IFNLR1: variants seen among roughly 807,000 people sequenced by gnomAD.
IFNLR1 encodes the protein interferon lambda receptor 1, also known as CRF2-12.
IFNLR1 carries 28 observed loss-of-function variants against 52.5 expected under a neutral mutation model. That is an observed-to-expected ratio of 0.53 (90% confidence interval 0.40 to 0.73). IFNLR1 has a LOEUF of 0.73. IFNLR1 is among the 30% of genes least tolerant of loss of function. The pLI, the probability that IFNLR1 is intolerant of heterozygous loss-of-function variation, is 0.00. For synonymous variants in IFNLR1, 276 were observed against 274.9 expected (o/e 1.00, Z -0.04); for missense variants, 623 against 659.1 (o/e 0.95, Z 0.60).
intron 2 of IFNLR1, among the ~76,000 whole-genome samples, chr1:24,170,035 A>G (rs1298052983): frequency 1.3e-5 from 2 of 152,244 alleles, no homozygotes; most frequent in Non-Finnish European, 2.9e-5. Flanking sequence ...ATGCAGGTCC[A>G]TGACTCCAAC....
chr1:24,174,888 C>T (rs1375452605), intron 2 of IFNLR1, among the ~76,000 whole-genome samples: 1 of 151,882 alleles, frequency 6.6e-6, no homozygotes, highest in Admixed American at 6.6e-5. Flanking sequence ...AATGAGAAAG[C>T]ATGTTCTGGG....
chr1:24,168,806 T>C (rs1202610754), intron 3 of IFNLR1, among the ~76,000 whole-genome samples: 2 of 152,130 alleles, frequency 1.3e-5, no homozygotes, highest in Non-Finnish European at 2.9e-5. Context: ...TGCAGGGGCG[T>C]GATCTTGGCT....
At position 24,157,956 on chromosome 1, in the gene IFNLR1, C is replaced by G. The variant is rs984004782; in HGVS notation, c.802-65G>C. 2.9e-6 allele frequency: 4 copies of G among 1,395,678 alleles called. No individual in the cohort carries two copies. In the African/African-American group the frequency reaches 5.8e-5, roughly 20 times the overall value. The allele number at this position is 1,395,678 out of a possible 1,614,324, so 86.5% of individuals were successfully genotyped here. On this transcript the variant is annotated intron_variant, in intron 6 of 6. Transcript: ENST00000327535. The surrounding 1 kb of genome is among the most constrained non-coding windows in gnomAD (Gnocchi z 5.1). ...TTTCCTGAAGCATAATTATCATCAT[C>G]TGAATTCCCCTAGAAACAGACCTCA... is the stretch of plus-strand genomic sequence containing the variant.
At chr1:24,176,579 G>A (rs1644635255) in intron 2 of IFNLR1, among the ~76,000 whole-genome samples, 1 of 152,198 alleles carries the variant, frequency 6.6e-6, no homozygotes, top group Non-Finnish European at 1.5e-5. Context: ...CTACAAACAT[G>A]TCAGCTAAAA....
At chr1:24,161,769 T>C in intron 3 of IFNLR1, 85 bp from the exon 4 acceptor site, 1 of 1,352,848 alleles carries the variant, frequency 7.4e-7, no homozygotes, top group East Asian at 2.6e-5. Context: ...CTCTTGGAAA[T>C]GGAAAAGCAA....
chr1:24,174,100 GTGTACT>G (rs146021310), intron 2 of IFNLR1, among the ~76,000 whole-genome samples: 14,724 of 152,040 alleles, frequency 0.097, 1,948 homozygotes, highest in African/African-American at 0.3. Flanking sequence ...AGTAGGACTG[GTGTACT>G]TGTAAGAAGA....
At chr1:24,162,932 TTCTTTC>T (rs1157292821) in intron 3 of IFNLR1, among the ~76,000 whole-genome samples, 2 of 103,480 alleles carry the variant, frequency 1.9e-5, no homozygotes, top group African/African-American at 3.9e-5. Flanking sequence ...TTTCTTTTCT[TTCTTTC>T]TCTTTCTTTC....
intron 1 of IFNLR1, among the ~76,000 whole-genome samples, chr1:24,184,740 C>T (rs12091153): frequency 5.3e-5 from 8 of 152,096 alleles, no homozygotes; most frequent in African/African-American, 1.2e-4. Context: ...CAGCTAAGGC[C>T]GGGCATGGTA....
intron 1 of IFNLR1, among the ~76,000 whole-genome samples, chr1:24,182,891 G>T (rs559564850): frequency 6.6e-6 from 1 of 152,054 alleles, no homozygotes; most frequent in Non-Finnish European, 1.5e-5. Context: ...CTGTACTCCA[G>T]CCTGGTGACA....
rs140785746 is a variant in IFNLR1, at chr1:24,165,043, A to T, written c.368-3359T>A. On this transcript the variant is annotated intron_variant, in intron 3 of 6. Coordinates refer to ENST00000327535, the MANE Select transcript of IFNLR1 (RefSeq NM_170743.4). ...CTCTCAAAGTGCTGGGATTACAGGCATGAGCCACTGTGCCCAGCTACAATC... is the reference window on the plus strand; with the variant it reads ...CTCTCAAAGTGCTGGGATTACAGGCTTGAGCCACTGTGCCCAGCTACAATC... Among the ~76,000 whole-genome samples the T allele has an allele frequency of 2.6e-3, 395 of 152,272 alleles. 5 individuals are homozygous for T. Among genetic ancestry groups the T allele is most frequent in the African/African-American group, 9.0e-3 (375 of 41,558 alleles).
intron 3 of IFNLR1, among the ~76,000 whole-genome samples, chr1:24,166,808 C>T (rs1212307000): frequency 6.6e-6 from 1 of 152,092 alleles, no homozygotes; most frequent in Non-Finnish European, 1.5e-5. Context: ...CTACCTCATC[C>T]TCAAAGGATC....
intron 1 of IFNLR1, among the ~76,000 whole-genome samples, chr1:24,183,597 T>C (rs947164845): frequency 6.6e-6 from 1 of 152,148 alleles, no homozygotes; most frequent in East Asian, 1.9e-4. Context: ...CAGACAAATA[T>C]ACAAAACACC....
intron 1 of IFNLR1, among the ~76,000 whole-genome samples, chr1:24,185,853 TCACCCTTGGGACAGAC>T (rs1193887936): frequency 6.6e-6 from 1 of 152,148 alleles, no homozygotes; most frequent in Non-Finnish European, 1.5e-5. Context: ...AAAACCTCAA[TCACCCTTGGGACAGAC>T]CACCCTATGG....
intron 4 of IFNLR1, 36 bp downstream of exon 4, chr1:24,161,506 C>T (rs753178013): frequency 1.8e-5 from 28 of 1,552,242 alleles, no homozygotes; most frequent in South Asian, 3.6e-5. Flanking sequence ...GGTGGAGGAG[C>T]GGGCCTAGCC....
chr1:24,167,430 G>A (rs1283801076), intron 3 of IFNLR1, among the ~76,000 whole-genome samples: 1 of 152,044 alleles, frequency 6.6e-6, no homozygotes, highest in African/African-American at 2.4e-5. Flanking sequence ...TGTCACCCAG[G>A]CTGGAGTGCA....
At chr1:24,183,984 C>A (rs945681114) in intron 1 of IFNLR1, among the ~76,000 whole-genome samples, 1 of 152,182 alleles carries the variant, frequency 6.6e-6, no homozygotes, top group Non-Finnish European at 1.5e-5. Context: ...CCCACCTTGG[C>A]CTCTCAAAGT....
rs575575280 is a variant in IFNLR1, at chr1:24,157,206, G to T, written c.1487C>A (p.Ala496Glu). 1 of 1,614,016 alleles carries T rather than the reference G, an allele frequency of 6.2e-7. No homozygotes were observed. Among genetic ancestry groups the T allele is most frequent in the Non-Finnish European group, 8.5e-7 (1 of 1,180,042 alleles). The change falls in exon 7 of 7, where the codon GCG (alanine) becomes GAG (glutamate). Residue 496 changes from alanine to glutamate, a missense_variant. Coordinates refer to ENST00000327535, the MANE Select transcript of IFNLR1 (RefSeq NM_170743.4). This position sits in a 1 kb window ranked among gnomAD's most constrained non-coding sequence, Gnocchi z 5.1. ...GGTGCTCTCAGCCCCCCAGCTGCCC[G>T]CATCGCTGTCCTCAATTTCTGATTC... Reference protein sequence around the residue: ...ARESEIEDSDAGSWGAESTQR... With the variant: ...ARESEIEDSDEGSWGAESTQR...
chr1:24,169,328 T>C, intron 3 of IFNLR1, 89 bp downstream of exon 3: 2 of 1,244,892 alleles, frequency 1.6e-6, no homozygotes, highest in Non-Finnish European at 2.2e-6. Flanking sequence ...GGGAGACAGA[T>C]GGTCAGGAGA....
rs1264169162 is a variant in IFNLR1, at chr1:24,180,973, G to A, written c.59-119C>T. ...GTGCTCACTGAGTTTGAGGAACCAG[G>A]AGCCACTGACTGGCTGTACTGCAGC... On this transcript the variant is annotated intron_variant, in intron 1 of 6. Transcript: ENST00000327535. 7.5e-6 allele frequency: 8 copies of A among 1,059,998 alleles called. 1 individual carries two copies. The South Asian group carries it at 1.3e-4, about 17-fold the overall frequency. The allele number at this position is 1,059,998 out of a possible 1,614,324, so 65.7% of individuals were successfully genotyped here. A position where few individuals can be genotyped will look rare whatever the true frequency, so the allele number is the denominator to read the frequency against.
Sources: gnomAD v4.1 joint callset for allele counts (sites outside exome capture counted in the v4.1 genomes callset) on GRCh38, gnomAD v4.1.1 for gene constraint, Gnocchi (gnomAD v3.1) non-coding constraint, MANE v1.5 for transcripts, NCBI Gene and HGNC (gene_info 2026-07-23, HGNC 2026-07-21) for gene names.